The following TTC5 variants were observed in gnomAD, a reference collection of about 807,000 sequenced individuals.
TTC5 encodes tetratricopeptide repeat domain 5, also known as tetratricopeptide repeat protein 5.
A neutral mutation model predicts 57.4 loss-of-function variants in TTC5; 46 were observed. That is an observed-to-expected ratio of 0.80 (90% CI 0.63 to 1.03). The LOEUF (loss-of-function observed/expected upper bound fraction) is 1.03, where lower values mean the gene tolerates loss of function less well. Among genes scored for constraint, TTC5 ranks in the 50% least tolerant of loss-of-function variants. The pLI is 0.00. For synonymous variants in TTC5, 190 were observed against 203.5 expected (o/e 0.93, Z 0.57); for missense variants, 504 against 528.1 (o/e 0.95, Z 0.45).
chr14:20,297,931 A>G (rs1308833179), intron 5 of TTC5, among the ~76,000 whole-genome samples: 1 of 152,228 alleles, frequency 6.6e-6, no homozygotes. Context: ...GAAAAAGGGC[A>G]GTTTAAAGTC....
intron 1 of TTC5, among the ~76,000 whole-genome samples, chr14:20,302,886 T>C (rs77190332): frequency 7.1e-6 from 1 of 140,274 alleles, no homozygotes; most frequent in Non-Finnish European, 1.5e-5. Context: ...AATGAAACAA[T>C]TTTTTTTTTT....
chr14:20,290,505 A>G (rs919459411), intron 9 of TTC5, among the ~76,000 whole-genome samples: 1 of 152,252 alleles, frequency 6.6e-6, no homozygotes, highest in Non-Finnish European at 1.5e-5. Flanking sequence ...TTTCCATGTA[A>G]AATTAGAAAA....
At chr14:20,290,790 G>T (rs2318861) in intron 9 of TTC5, among the ~76,000 whole-genome samples, 126,694 of 152,176 alleles carry the variant, frequency 0.83, 53,284 homozygotes, top group Non-Finnish European at 0.9. Flanking sequence ...AATTTAGATC[G>T]GAGGTCATCA....
intron 6 of TTC5, 122 bp downstream of exon 6, chr14:20,296,268 T>C (rs777261990): frequency 1.7e-4 from 138 of 806,984 alleles, no homozygotes; most frequent in Non-Finnish European, 2.7e-4. Flanking sequence ...AGAAATAGCA[T>C]GGCTTTCCTC....
rs1454415914 is a variant in TTC5 at position 20,286,618 on chromosome 14, G to A, written c.*3009C>T. 1.3e-5 allele frequency: 2 copies of A among 151,914 alleles called. No homozygotes were observed. The highest frequency in any genetic ancestry group is 1.9e-4 in the East Asian group (1 of 5,190). 9.4% of individuals were successfully genotyped at this position (151,914 alleles called of 1,614,324 possible). A position where few individuals can be genotyped will look rare whatever the true frequency, so the allele number is the denominator to read the frequency against. ...AAAATAACTTCATAAAGCAGTAGAG[G>A]GAAAATGTCCTTATGACTTTAGGAG... On this transcript the variant is annotated 3_prime_UTR_variant, in exon 10 of 10. Transcript: ENST00000258821.
intron 1 of TTC5, chr14:20,305,568 T>C: frequency 2.5e-6 from 1 of 392,656 alleles, no homozygotes; most frequent in Non-Finnish European, 4.6e-6. Context: ...CATGCAGATC[T>C]GCCACACACA....
At chr14:20,304,957 C>G (rs1238899798) in intron 1 of TTC5, among the ~76,000 whole-genome samples, 1 of 151,790 alleles carries the variant, frequency 6.6e-6, no homozygotes, top group Non-Finnish European at 1.5e-5. Flanking sequence ...TCAGTGATAA[C>G]CACTGATTTG....
In TTC5 at chr14:20,298,823, G is replaced by T. The variant is rs1171875712; in HGVS notation, c.613C>A (p.Gln205Lys). The stretch of plus-strand genomic sequence containing the variant: ...GCTTGGGCATAGGCACTGAGGGCTT[G>T]CTGGGAGATCTTAGGGTTCTGGCCA... ...STGQNPKISQQALSAYAQAEK... is the reference protein window; with the variant it reads ...STGQNPKISQKALSAYAQAEK... The change falls in exon 5 of 10, where the codon CAA becomes AAA. Residue 205 changes from glutamine (Q) to lysine (K), a missense_variant. Coordinates refer to ENST00000258821, the MANE Select transcript of TTC5 (RefSeq NM_138376.3). 6.2e-7 allele frequency: 1 copy of T among 1,613,930 alleles called. No homozygotes were observed. The highest frequency in any genetic ancestry group is 1.6e-4 in the Middle Eastern group (1 of 6,062).
At chr14:20,300,141 A>ATGTATGTGTG (rs1555311661) in intron 3 of TTC5, among the ~76,000 whole-genome samples, 2 of 27,492 alleles carry the variant, frequency 7.3e-5, no homozygotes, top group South Asian at 1.2e-3. Flanking sequence ...CGTCTGGTCC[A>ATGTATGTGTG]TGTATATATA....
At position 20,295,358 on chromosome 14, in the gene TTC5, G is replaced by C. The variant is rs1228173887; in HGVS notation, c.1012C>G (p.Leu338Val). 2 of 1,614,052 alleles carry C rather than the reference G, an allele frequency of 1.2e-6. No homozygotes were observed. Among genetic ancestry groups the C allele is most frequent in the African/African-American group, 2.7e-5 (2 of 74,920 alleles). The change falls in exon 8 of 10, where the codon CTG becomes GTG. Residue 338 changes from leucine to valine, a missense_variant. Transcript: ENST00000258821. Reference sequence around the variant, plus strand: ...GTGAGGCTAAATACCACCTTTCCCAGGATGACGGCACCGCTGTTCACCCCA... The same window carrying C: ...GTGAGGCTAAATACCACCTTTCCCACGATGACGGCACCGCTGTTCACCCCA... ...QPGVNSGAVI[L>V]GKVVFSLTTE...
chr14:20,298,467 A>G (rs745338935), intron 5 of TTC5, among the ~76,000 whole-genome samples: 13 of 152,220 alleles, frequency 8.5e-5, no homozygotes, highest in Non-Finnish European at 1.6e-4. Context: ...AAAAATATTA[A>G]TAAGTATTAT....
intron 1 of TTC5, among the ~76,000 whole-genome samples, chr14:20,303,578 A>G (rs570057592): frequency 2.6e-4 from 40 of 152,184 alleles, no homozygotes; most frequent in Non-Finnish European, 5.6e-4. Flanking sequence ...CATCAGCTTC[A>G]TTACTTGCCT....
Position 20,300,167 on chromosome 14 carries a change from T to A in TTC5, c.396+440A>T, listed in dbSNP as rs1281906927. On this transcript the variant is annotated intron_variant, in intron 3 of 9. Transcript: ENST00000258821. ...TGTATATATATATATTTTTTTTTTT[T>A]TTTTTTTTTTTTGTAGAGACAAGGT... is the stretch of plus-strand genomic sequence containing the variant. 9.5e-3 allele frequency among the ~76,000 whole-genome samples: 87 copies of A among 9,206 alleles called. 1 individual carries two copies. Among genetic ancestry groups the A allele is most frequent in the African/African-American group, 0.016 (69 of 4,276 alleles). The allele number at this position is 9,206 out of a possible 152,430, so 6.0% of individuals were successfully genotyped here.
intron 1 of TTC5, chr14:20,305,543 C>T (rs1882272544): frequency 3.2e-6 from 1 of 313,886 alleles, no homozygotes; most frequent in African/African-American, 2.1e-5. Context: ...ATCAAAACAA[C>T]ATGTGACAGT....
chr14:20,295,451 C>T lies in TTC5; in HGVS notation c.919G>A (p.Gly307Arg). 1 of 1,614,178 alleles carries T rather than the reference C, an allele frequency of 6.2e-7. No homozygotes were observed. Among genetic ancestry groups the T allele is most frequent in the Non-Finnish European group, 8.5e-7 (1 of 1,180,036 alleles). The change falls in exon 8 of 10, where the codon GGG (glycine) becomes AGG (arginine). Residue 307 changes from glycine to arginine, a missense_variant. Coordinates refer to ENST00000258821, the MANE Select transcript of TTC5 (RefSeq NM_138376.3). ...TGCCCAGAGGCTGACTGATAGTGCCCATCACTGCAAGGGCCTAGATGGGCT... is the reference window on the plus strand; with the variant it reads ...TGCCCAGAGGCTGACTGATAGTGCCTATCACTGCAAGGGCCTAGATGGGCT... Reference protein sequence around the residue: ...RPAHLGPCSDGHYQSASGQKV... With the variant: ...RPAHLGPCSDRHYQSASGQKV...
intron 8 of TTC5, chr14:20,294,036 A>T (rs1882012739): frequency 6.6e-6 from 1 of 152,170 alleles, no homozygotes; most frequent in Non-Finnish European, 1.5e-5. Flanking sequence ...TATAGACAGG[A>T]TGGAGAAGAA....
At position 20,289,512 on chromosome 14, in the gene TTC5, A is replaced by G; in HGVS notation, c.*115T>C. The G allele has an allele frequency of 7.7e-7, 1 of 1,303,944 alleles. No homozygotes were observed. The highest frequency in any genetic ancestry group is 1.5e-5 in the South Asian group (1 of 66,212). 80.8% of individuals were successfully genotyped at this position (1,303,944 alleles called of 1,614,324 possible). On this transcript the variant is annotated 3_prime_UTR_variant, in exon 10 of 10. Coordinates refer to ENST00000258821, the MANE Select transcript of TTC5 (RefSeq NM_138376.3). ...GTGTAATACAGGCAGGGAAAGAGAA[A>G]GTCTTCATTTAAAACATTCCTCCCA...
intron 3 of TTC5, 165 bp downstream of exon 3, chr14:20,300,442 T>TCG: frequency 1.7e-6 from 1 of 603,140 alleles, no homozygotes; most frequent in Non-Finnish European, 2.8e-6. Context: ...GGCCCCTGCC[T>TCG]CTATTTTCCT....
rs920471439 is a variant in TTC5 at position 20,289,298 on chromosome 14, G to C, written c.*329C>G. The stretch of plus-strand genomic sequence containing the variant: ...ACTGATATATACATATGAGGCTTAG[G>C]AAGGAGGCAACAACAGGAACCTTGG... On this transcript the variant is annotated 3_prime_UTR_variant, in exon 10 of 10. Coordinates refer to ENST00000258821, the MANE Select transcript of TTC5 (RefSeq NM_138376.3). 6 of 200,986 alleles carry C rather than the reference G, an allele frequency of 3.0e-5. No homozygotes were observed. The allele number at this position is 200,986 out of a possible 1,614,324, so 12.5% of individuals were successfully genotyped here.
Sources: gnomAD v4.1 joint callset for allele counts (sites outside exome capture counted in the v4.1 genomes callset) on GRCh38, gnomAD v4.1.1 for gene constraint, MANE v1.5 for transcripts, NCBI Gene and HGNC (gene_info 2026-07-23, HGNC 2026-07-21) for gene names.